The following KCNQ1 variants were observed in gnomAD, a reference collection of about 807,000 sequenced individuals.
KCNQ1 encodes the protein potassium voltage-gated channel subfamily KQT member 1.
Under a neutral mutation model 72.4 loss-of-function variants are expected in KCNQ1, and 49 were observed. The ratio of observed to expected loss-of-function variants is 0.68; its 90% CI spans 0.54 to 0.86. KCNQ1 has a LOEUF of 0.86. KCNQ1 is among the 40% of genes least tolerant of loss of function. The pLI is 0.00. For synonymous variants in KCNQ1, 450 were observed against 412.6 expected (o/e 1.09, Z -1.10); for missense variants, 790 against 945.1 (o/e 0.84, Z 2.15).
chr11:2,516,064 C>T lies in KCNQ1; in HGVS notation c.387-11864C>T. On this transcript the variant is annotated intron_variant, in intron 1 of 15. Coordinates refer to ENST00000155840, the MANE Select transcript of KCNQ1 (RefSeq NM_000218.3). The surrounding 1 kb of genome is among the most constrained non-coding windows in gnomAD (Gnocchi z 7.0). The stretch of plus-strand genomic sequence containing the variant: ...CAGGCCAGGGCTCCTGCTGGAATCT[C>T]CCTGTGGAAGGCCAGGCTGCCTGGA... Among the ~76,000 whole-genome samples the T allele has an allele frequency of 6.6e-6, 1 of 152,116 alleles. No individual in the cohort carries two copies.
intron 1 of KCNQ1, among the ~76,000 whole-genome samples, chr11:2,490,213 A>G (rs577850281): frequency 3.6e-4 from 54 of 152,100 alleles, no homozygotes; most frequent in Non-Finnish European, 6.5e-4. Flanking sequence ...AATTCTGGGT[A>G]TGACTTTGTC....
At chr11:2,573,497 C>T (rs1235709269) in intron 6 of KCNQ1, among the ~76,000 whole-genome samples, 1 of 152,208 alleles carries the variant, frequency 6.6e-6, no homozygotes, top group African/African-American at 2.4e-5. Context: ...CAAGAGACCC[C>T]AGCAGAGATC....
chr11:2,651,491 A>G lies in KCNQ1; in HGVS notation c.1394-10470A>G. ...AAGTATCTGGTGGGCTTGCATTAAG[A>G]AGCTGTCAGTGTGAAGAACGTGAAT... is the stretch of plus-strand genomic sequence containing the variant. On this transcript the variant is annotated intron_variant, in intron 10 of 15. Transcript: ENST00000155840. This position sits in a 1 kb window ranked among gnomAD's most constrained non-coding sequence, Gnocchi z 6.1. 2.5e-6 allele frequency: 1 copy of G among 398,740 alleles called. No homozygotes were observed. The highest frequency in any genetic ancestry group is 1.3e-4 in the South Asian group (1 of 7,856). 24.7% of individuals were successfully genotyped at this position (398,740 alleles called of 1,614,324 possible).
intron 11 of KCNQ1, among the ~76,000 whole-genome samples, chr11:2,736,964 C>G (rs1008062476): frequency 2.0e-5 from 3 of 152,184 alleles, no homozygotes; most frequent in Non-Finnish European, 4.4e-5. Context: ...CAGTCCCGAC[C>G]CCCACCGCCT....
chr11:2,553,125 G>T (rs1848008368), intron 2 of KCNQ1, among the ~76,000 whole-genome samples: 1 of 150,528 alleles, frequency 6.6e-6, no homozygotes, highest in South Asian at 2.1e-4. Flanking sequence ...ATTAGTTTGA[G>T]AAGGTTTCTT....
At chr11:2,555,132 G>A (rs1245158882) in intron 2 of KCNQ1, among the ~76,000 whole-genome samples, 1 of 152,198 alleles carries the variant, frequency 6.6e-6, no homozygotes, top group African/African-American at 2.4e-5. Flanking sequence ...AAGTAAACAG[G>A]GTTCAACCCT....
chr11:2,795,838 T>G (rs1847117482), intron 15 of KCNQ1, among the ~76,000 whole-genome samples: 2 of 152,152 alleles, frequency 1.3e-5, no homozygotes, highest in African/African-American at 4.8e-5. Flanking sequence ...TCTCATCCCC[T>G]GAGTGCCTCC....
At position 2,796,004 on chromosome 11, in the gene KCNQ1, C is replaced by T. The variant is rs571458621; in HGVS notation, c.1794+17967C>T. The stretch of plus-strand genomic sequence containing the variant: ...CAGGGACACCCTTTGTGTTTTTCCA[C>T]ATCTGAGAGCCACCGACATTTCTTA... On this transcript the variant is annotated intron_variant, in intron 15 of 15. Coordinates refer to ENST00000155840, the MANE Select transcript of KCNQ1 (RefSeq NM_000218.3). 3.3e-5 allele frequency among the ~76,000 whole-genome samples: 5 copies of T among 152,212 alleles called. No homozygotes were observed. The South Asian group carries it at 1.0e-3, about 32-fold the overall frequency.
At chr11:2,581,482 G>A (rs1365328631) in intron 6 of KCNQ1, among the ~76,000 whole-genome samples, 2 of 152,214 alleles carry the variant, frequency 1.3e-5, no homozygotes, top group Non-Finnish European at 2.9e-5. Flanking sequence ...CCCTGCAGAC[G>A]AGGGGCTCCG....
Position 2,652,891 on chromosome 11 carries a change from G to T in KCNQ1, c.1394-9070G>T, listed in dbSNP as rs1849779126. 5.0e-6 allele frequency: 2 copies of T among 398,668 alleles called. No individual in the cohort carries two copies. The highest frequency in any genetic ancestry group is 4.4e-6 in the Non-Finnish European group (1 of 226,114). The allele number at this position is 398,668 out of a possible 1,614,324, so 24.7% of individuals were successfully genotyped here. ...TAAGGAGAAGTGTTTGGGGTGTGGG[G>T]TGTGGTCCTCAGTATCCTAAACTTA... On this transcript the variant is annotated intron_variant, in intron 10 of 15. Transcript: ENST00000155840. This position sits in a 1 kb window ranked among gnomAD's most constrained non-coding sequence, Gnocchi z 5.9.
chr11:2,789,730 G>A (rs1846981877), intron 15 of KCNQ1, among the ~76,000 whole-genome samples: 1 of 152,238 alleles, frequency 6.6e-6, no homozygotes, highest in South Asian at 2.1e-4. Flanking sequence ...GATCCACCAT[G>A]AGTTCTCGCT....
intron 11 of KCNQ1, chr11:2,665,040 C>T (rs1056212753): frequency 5.0e-6 from 2 of 398,532 alleles, no homozygotes; most frequent in Admixed American, 4.4e-5. Context: ...GGTGAGCAGG[C>T]CTGATGCAAG....
At chr11:2,512,533 C>T (rs1358433996) in intron 1 of KCNQ1, among the ~76,000 whole-genome samples, 4 of 152,236 alleles carry the variant, frequency 2.6e-5, no homozygotes, top group South Asian at 2.1e-4. Flanking sequence ...TGGCCATGAC[C>T]GCATGGGGCC....
At chr11:2,511,718 C>T (rs1170418406) in intron 1 of KCNQ1, among the ~76,000 whole-genome samples, 1 of 152,232 alleles carries the variant, frequency 6.6e-6, no homozygotes, top group African/African-American at 2.4e-5. Flanking sequence ...CCCTCCAGGC[C>T]CATGAGTGAC....
rs1849752155 is a variant in KCNQ1, at chr11:2,651,246, G to T, written c.1394-10715G>T. 2.5e-6 allele frequency: 1 copy of T among 398,650 alleles called. No individual in the cohort carries two copies. The highest frequency in any genetic ancestry group is 4.4e-6 in the Non-Finnish European group (1 of 226,088). 24.7% of individuals were successfully genotyped at this position (398,650 alleles called of 1,614,324 possible). A position where few individuals can be genotyped will look rare whatever the true frequency, so the allele number is the denominator to read the frequency against. On this transcript the variant is annotated intron_variant, in intron 10 of 15. Transcript: ENST00000155840. The surrounding 1 kb of genome is among the most constrained non-coding windows in gnomAD (Gnocchi z 6.1). The stretch of plus-strand genomic sequence containing the variant: ...CTCACAGCACACACAGCTTAATTCA[G>T]GAATTAAGCTGTGCTGGTCACTTAT...
Position 2,725,158 on chromosome 11 carries a change from G to A in KCNQ1, c.1515-43686G>A, listed in dbSNP as rs368979744. On this transcript the variant is annotated intron_variant, in intron 11 of 15. Coordinates refer to ENST00000155840, the MANE Select transcript of KCNQ1 (RefSeq NM_000218.3). The surrounding 1 kb of genome is among the most constrained non-coding windows in gnomAD (Gnocchi z 7.2). The stretch of plus-strand genomic sequence containing the variant: ...AGCCAGGGCAGGGTGGGGCAGGCAC[G>A]GATTCCTGACGTGGAGACAGGAGGA... 3.3e-5 allele frequency among the ~76,000 whole-genome samples: 5 copies of A among 152,206 alleles called. No individual in the cohort carries two copies. Among genetic ancestry groups the A allele is most frequent in the African/African-American group, 7.2e-5 (3 of 41,448 alleles).
At chr11:2,721,296 C>T (rs969222116) in intron 11 of KCNQ1, among the ~76,000 whole-genome samples, 1 of 152,194 alleles carries the variant, frequency 6.6e-6, no homozygotes, top group African/African-American at 2.4e-5. Flanking sequence ...AAAAGCTACC[C>T]GCAGGGGTCT....
rs1458591871 is a variant in KCNQ1 at position 2,486,136 on chromosome 11, C to G, written c.386+40652C>G. Among the ~76,000 whole-genome samples the G allele has an allele frequency of 6.6e-6, 1 of 152,178 alleles. No homozygotes were observed. Among genetic ancestry groups the G allele is most frequent in the Admixed American group, 6.5e-5 (1 of 15,286 alleles). ...ACCACTATGCCGTTTTCCACAGTAG[C>G]TACCACATCCTCACCAACACTTGTA... is the stretch of plus-strand genomic sequence containing the variant. On this transcript the variant is annotated intron_variant, in intron 1 of 15. Transcript: ENST00000155840. The surrounding 1 kb of genome is among the most constrained non-coding windows in gnomAD (Gnocchi z 5.0).
intron 10 of KCNQ1, chr11:2,635,336 T>G (rs1849446046): frequency 6.6e-6 from 1 of 151,500 alleles, no homozygotes; most frequent in African/African-American, 2.4e-5. Context: ...AAGTCTTTAA[T>G]CCATCTTGAA....
Sources: gnomAD v4.1 joint callset for allele counts (sites outside exome capture counted in the v4.1 genomes callset) on GRCh38, gnomAD v4.1.1 for gene constraint, Gnocchi (gnomAD v3.1) non-coding constraint, MANE v1.5 for transcripts, NCBI Gene and HGNC (gene_info 2026-07-23, HGNC 2026-07-21) for gene names.